HCN1: variants seen among roughly 807,000 people sequenced by gnomAD.
HCN1 encodes potassium/sodium hyperpolarization-activated cyclic nucleotide-gated channel 1.
A neutral mutation model predicts 78.9 loss-of-function variants in HCN1; 13 were observed. The ratio of observed to expected loss-of-function variants is 0.16; its 90% confidence interval spans 0.11 to 0.26. The LOEUF is 0.26. HCN1 is among the 10% of genes least tolerant of loss of function. The pLI, the probability that HCN1 is intolerant of heterozygous loss-of-function variation, is 1.00. For synonymous variants in HCN1, 552 were observed against 455.5 expected (o/e 1.21, Z -2.70); for missense variants, 810 against 1,154.3 (o/e 0.70, Z 4.32).
chr5:45,413,271 A>C (rs1419144841), intron 3 of HCN1, among the ~76,000 whole-genome samples: 1 of 152,098 alleles, frequency 6.6e-6, no homozygotes, highest in East Asian at 1.9e-4. Flanking sequence ...GTATCAAAGT[A>C]AGTCAGGAAT....
At chr5:45,435,765 A>G (rs1443943513) in intron 3 of HCN1, among the ~76,000 whole-genome samples, 2 of 152,190 alleles carry the variant, frequency 1.3e-5, no homozygotes, top group Non-Finnish European at 2.9e-5. Context: ...CGTTCTTTAA[A>G]GAAGAATCAA....
At chr5:45,460,794 C>T (rs1025835504) in intron 3 of HCN1, among the ~76,000 whole-genome samples, 2 of 148,152 alleles carry the variant, frequency 1.3e-5, no homozygotes, top group African/African-American at 5.0e-5. Context: ...CAATGTAAAT[C>T]GCCTTTTTTT....
At chr5:45,380,294 C>A (rs1346891628) in intron 4 of HCN1, among the ~76,000 whole-genome samples, 1 of 152,002 alleles carries the variant, frequency 6.6e-6, no homozygotes, top group Non-Finnish European at 1.5e-5. Context: ...GTGTTAATGC[C>A]ATTTACAAGA....
At position 45,696,048 on chromosome 5, in the gene HCN1, C is replaced by A. The variant is rs1283834151; in HGVS notation, c.46G>T (p.Asp16Tyr). The A allele has an allele frequency of 7.4e-7, 1 of 1,349,494 alleles. No individual in the cohort carries two copies. The highest frequency in any genetic ancestry group is 9.6e-7 in the Non-Finnish European group (1 of 1,040,806). The allele number at this position is 1,349,494 out of a possible 1,614,324, so 83.6% of individuals were successfully genotyped here. Residue 16 changes from aspartate (D) to tyrosine (Y), a missense_variant, in exon 1 of 8, where the codon GAT (aspartate) becomes TAT (tyrosine). Asp to Tyr is a radical substitution (Grantham distance 160). Transcript: ENST00000303230. ...TTGGCGGGGAAGACGCTGTTGCCAT[C>A]GTCCCGGCTGTTAGACGAAGAGTTG... The part of the protein sequence containing the change: ...KPNSSSNSRD[D>Y]GNSVFPAKAS...
At chr5:45,373,172 A>G (rs1747465040) in intron 4 of HCN1, among the ~76,000 whole-genome samples, 1 of 125,282 alleles carries the variant, frequency 8.0e-6, no homozygotes, top group Non-Finnish European at 1.6e-5. Context: ...TGTACTTTAT[A>G]AAATATATGA....
At chr5:45,625,272 C>T (rs1016953166) in intron 2 of HCN1, among the ~76,000 whole-genome samples, 3 of 151,990 alleles carry the variant, frequency 2.0e-5, no homozygotes, top group African/African-American at 7.2e-5. Context: ...CATTGCACTC[C>T]AGCCTGGGTG....
intron 3 of HCN1, among the ~76,000 whole-genome samples, chr5:45,422,252 A>G (rs1208660612): frequency 6.6e-5 from 10 of 152,188 alleles, no homozygotes; most frequent in Admixed American, 4.6e-4. Flanking sequence ...AAACCTAAGC[A>G]TAAAAATACA....
intron 1 of HCN1, among the ~76,000 whole-genome samples, chr5:45,657,247 C>A (rs1006214091): frequency 2.0e-5 from 3 of 152,178 alleles, no homozygotes; most frequent in Admixed American, 6.5e-5. Flanking sequence ...CACTTACAAA[C>A]GAATTCAATG....
At chr5:45,574,553 T>A (rs1743900936) in intron 2 of HCN1, 1 of 152,086 alleles carries the variant, frequency 6.6e-6, no homozygotes. Context: ...ATTAGTCCAA[T>A]TAATGACTCC....
intron 4 of HCN1, among the ~76,000 whole-genome samples, chr5:45,372,076 ATATAATATAATTATATATATATTT>A (rs1561127875): frequency 0.02 from 1,234 of 61,062 alleles, 76 homozygotes; most frequent in African/African-American, 0.082. Flanking sequence ...TATATATTAT[ATATAATATAATTATATATATATTT>A]TATATATAAT....
intron 4 of HCN1, among the ~76,000 whole-genome samples, chr5:45,385,000 C>A (rs1561135633): frequency 6.6e-6 from 1 of 152,108 alleles, no homozygotes; most frequent in Admixed American, 6.5e-5. Flanking sequence ...ATTAAACAGA[C>A]AACTTTTAAA....
intron 2 of HCN1, among the ~76,000 whole-genome samples, chr5:45,545,570 T>A (rs1350977872): frequency 6.6e-6 from 1 of 152,188 alleles, no homozygotes; most frequent in Non-Finnish European, 1.5e-5. Context: ...CTAGGGTTTT[T>A]ATGGTTTTAG....
At chr5:45,326,871 G>A (rs1418908295) in intron 5 of HCN1, among the ~76,000 whole-genome samples, 2 of 151,486 alleles carry the variant, frequency 1.3e-5, no homozygotes, top group African/African-American at 4.8e-5. Flanking sequence ...TGCCTTACTA[G>A]AACATAGGGA....
At chr5:45,303,877 A>G (rs1323602083) in intron 5 of HCN1, 38 bp from the exon 6 acceptor site, 14 of 1,561,972 alleles carry the variant, frequency 9.0e-6, no homozygotes, top group African/African-American at 1.4e-5. Context: ...TAAGAGAGAT[A>G]TTAATCATAT....
chr5:45,328,228 G>A (rs62367528), intron 5 of HCN1, among the ~76,000 whole-genome samples: 10,175 of 150,612 alleles, frequency 0.068, 473 homozygotes, highest in East Asian at 0.13. Flanking sequence ...TGTAACTGTC[G>A]CAGTTTGCGG....
chr5:45,319,393 TCTGA>T (rs1004405132), intron 5 of HCN1, among the ~76,000 whole-genome samples: 24 of 151,982 alleles, frequency 1.6e-4, no homozygotes, highest in Admixed American at 3.9e-4. Context: ...AGTCGACATA[TCTGA>T]CTGTTTTGCT....
At chr5:45,520,829 T>C (rs2111777867) in intron 2 of HCN1, among the ~76,000 whole-genome samples, 1 of 152,018 alleles carries the variant, frequency 6.6e-6, no homozygotes, top group Middle Eastern at 3.4e-3. Context: ...GACATACTAC[T>C]CAGGCAAGTC....
At chr5:45,376,157 A>G (rs1747650491) in intron 4 of HCN1, among the ~76,000 whole-genome samples, 1 of 42,090 alleles carries the variant, frequency 2.4e-5, no homozygotes, top group Non-Finnish European at 4.3e-5. Flanking sequence ...ATATAATATA[A>G]TATTTTATAA....
At chr5:45,299,470 G>T (rs1328503629) in intron 6 of HCN1, among the ~76,000 whole-genome samples, 1 of 151,708 alleles carries the variant, frequency 6.6e-6, no homozygotes, top group Non-Finnish European at 1.5e-5. Context: ...ATCATCTGGG[G>T]ATTTTTTTCA....
Sources: allele counts gnomAD v4.1 joint callset (sites outside exome capture counted in the v4.1 genomes callset), GRCh38; gene constraint gnomAD v4.1.1; transcripts MANE v1.5; gene names NCBI Gene and HGNC (gene_info 2026-07-23, HGNC 2026-07-21).